Variants in ZC3H18 observed in about 807,000 individuals in gnomAD.
ZC3H18 encodes the protein zinc finger CCCH domain-containing protein 18.
A neutral mutation model predicts 106.1 loss-of-function variants in ZC3H18; 8 were observed. That is an observed-to-expected ratio of 0.08 (90% CI 0.04 to 0.14). The LOEUF (loss-of-function observed/expected upper bound fraction) is 0.14, where lower values mean the gene tolerates loss of function less well. Among genes scored for constraint, ZC3H18 ranks in the 10% least tolerant of loss-of-function variants. The pLI is 1.00. For synonymous variants in ZC3H18, 635 were observed against 522.1 expected, an observed-to-expected ratio of 1.22 and a Z score of -2.95; for missense variants, 1,318 against 1,278.4, an observed-to-expected ratio of 1.03 and a Z score of -0.47.
At chr16:88,571,262 G>A (rs1276001236) in intron 1 of ZC3H18, among the ~76,000 whole-genome samples, 1 of 152,188 alleles carries the variant, frequency 6.6e-6, no homozygotes, top group African/African-American at 2.4e-5. Context: ...TTTTAAATGA[G>A]CTTTGTTCGA....
Position 88,627,418 on chromosome 16 carries a change from T to C in ZC3H18, c.2109-204T>C. 1.8e-6 allele frequency: 1 copy of C among 544,448 alleles called. No individual in the cohort carries two copies. Among genetic ancestry groups the C allele is most frequent in the Non-Finnish European group, 3.1e-6 (1 of 325,324 alleles). 33.7% of individuals were successfully genotyped at this position (544,448 alleles called of 1,614,324 possible). ...GTGCCTGGCTGCAACCTGACATTGA[T>C]TAGTGAAATGGGGCCCTGGCCTAGC... On this transcript the variant is annotated intron_variant, in intron 13 of 17. Coordinates refer to ENST00000301011, the MANE Select transcript of ZC3H18 (RefSeq NM_144604.4). This position sits in a 1 kb window ranked among gnomAD's most constrained non-coding sequence, Gnocchi z 4.5.
At chr16:88,625,148 G>T in intron 12 of ZC3H18, 54 bp from the exon 13 acceptor site, 1 of 1,546,010 alleles carries the variant, frequency 6.5e-7, no homozygotes. Context: ...AGGGGAGGCC[G>T]CGAGGGGCTG....
At chr16:88,630,384 G>A in intron 16 of ZC3H18, 101 bp from the exon 17 acceptor site, 1 of 841,610 alleles carries the variant, frequency 1.2e-6, no homozygotes, top group Non-Finnish European at 1.9e-6. Flanking sequence ...GAACTAAGCA[G>A]CCTCAGGCTT....
chr16:88,581,192 G>A (rs1915106692), intron 2 of ZC3H18, among the ~76,000 whole-genome samples: 1 of 152,084 alleles, frequency 6.6e-6, no homozygotes, highest in African/African-American at 2.4e-5. Context: ...AAAACAGATG[G>A]GGTCTCACTA....
chr16:88,574,245 C>T lies in ZC3H18; in HGVS notation c.-14-2865C>T, dbSNP rs1015469007. Among the ~76,000 whole-genome samples the T allele has an allele frequency of 5.9e-5, 9 of 152,008 alleles. 1 individual carries two copies. The highest frequency in any genetic ancestry group is 2.0e-4 in the Admixed American group (3 of 15,270). On this transcript the variant is annotated intron_variant, in intron 1 of 17. Coordinates refer to ENST00000301011, the MANE Select transcript of ZC3H18 (RefSeq NM_144604.4). ...CTTTTGAGACGGAGTCTCGCTTAGC[C>T]ACCACCTAGGCTGGAGTGCAGTGGT...
intron 3 of ZC3H18, among the ~76,000 whole-genome samples, chr16:88,592,312 G>T (rs1915802868): frequency 6.6e-6 from 1 of 152,084 alleles, no homozygotes; most frequent in Admixed American, 6.5e-5. Context: ...GGTCATTTGT[G>T]TATCTTCTTG....
chr16:88,575,525 AG>A (rs1240970250), intron 1 of ZC3H18, among the ~76,000 whole-genome samples: 4 of 151,804 alleles, frequency 2.6e-5, no homozygotes, highest in African/African-American at 4.8e-5. Flanking sequence ...TGGTGTGGCA[AG>A]TGTTTGCCAG....
At chr16:88,571,497 G>A in intron 1 of ZC3H18, 1 of 472,474 alleles carries the variant, frequency 2.1e-6, no homozygotes, top group East Asian at 1.5e-4. Flanking sequence ...CCGCTTCCCA[G>A]CTTTGGGAGG....
Position 88,627,621 on chromosome 16 carries a change from G to C in ZC3H18, c.2109-1G>C. The C allele has an allele frequency of 6.3e-7, 1 of 1,599,896 alleles. No individual in the cohort carries two copies. The highest frequency in any genetic ancestry group is 8.6e-7 in the Non-Finnish European group (1 of 1,169,082). On this transcript the variant is annotated splice_acceptor_variant, in intron 13 of 17. Transcript: ENST00000301011. LOFTEE classifies it high-confidence loss of function. The surrounding 1 kb of genome is among the most constrained non-coding windows in gnomAD (Gnocchi z 4.5). ...GTGGTGAGATGTGCTTGTGTGTCCA[G>C]GTCCCTGAGCGTGAGCAGCGTCTCC...
At chr16:88,628,892 C>CCTAGGGAT (rs1567601470) in intron 16 of ZC3H18, 38 bp downstream of exon 16, 4 of 1,610,552 alleles carry the variant, frequency 2.5e-6, no homozygotes, top group Non-Finnish European at 2.5e-6. Flanking sequence ...GGCAGAGGGA[C>CCTAGGGAT]GGGAGCCTGG....
intron 2 of ZC3H18, among the ~76,000 whole-genome samples, chr16:88,583,867 C>T (rs1915283435): frequency 6.6e-6 from 1 of 152,138 alleles, no homozygotes; most frequent in African/African-American, 2.4e-5. Context: ...TTGTCCTCTG[C>T]TTCCTACTCT....
chr16:88,571,548 G>A, intron 1 of ZC3H18: 1 of 886,270 alleles, frequency 1.1e-6, no homozygotes, highest in Non-Finnish European at 1.4e-6. Context: ...AGGGCAGTAT[G>A]GAGCCCAGCC....
At position 88,598,602 on chromosome 16, in the gene ZC3H18, C is replaced by A. The variant is rs764136072; in HGVS notation, c.838-18C>A. On this transcript the variant is annotated intron_variant, in intron 4 of 17. Transcript: ENST00000301011. ...AAAGTTTTACTTTCTCACCTTCTCCCTTCTCGTTTTTCAATAGGGTGGGCC... is the reference window on the plus strand; with the variant it reads ...AAAGTTTTACTTTCTCACCTTCTCCATTCTCGTTTTTCAATAGGGTGGGCC... 6.3e-7 allele frequency: 1 copy of A among 1,599,234 alleles called. No homozygotes were observed. The highest frequency in any genetic ancestry group is 1.1e-5 in the South Asian group (1 of 88,982).
At chr16:88,614,908 T>C (rs1203038000) in intron 8 of ZC3H18, among the ~76,000 whole-genome samples, 1 of 152,118 alleles carries the variant, frequency 6.6e-6, no homozygotes, top group African/African-American at 2.4e-5. Context: ...AGCCGCTCCC[T>C]CTGCCCAGAT....
chr16:88,614,651 A>G (rs894522939), intron 8 of ZC3H18, among the ~76,000 whole-genome samples: 3 of 152,364 alleles, frequency 2.0e-5, no homozygotes, highest in Non-Finnish European at 1.5e-5. Context: ...CATATTTCAG[A>G]TGTTTTTAAT....
At chr16:88,622,078 T>C in intron 8 of ZC3H18, 119 bp from the exon 9 acceptor site, 2 of 1,236,674 alleles carry the variant, frequency 1.6e-6, no homozygotes, top group Middle Eastern at 2.8e-4. Flanking sequence ...CCTTTGTTTC[T>C]CAGGTGATCC....
chr16:88,628,150 C>G, intron 15 of ZC3H18, 31 bp downstream of exon 15: 1 of 1,607,348 alleles, frequency 6.2e-7, no homozygotes, highest in Non-Finnish European at 8.5e-7. Flanking sequence ...GGTGGCTGCC[C>G]CAGCGTCTAG....
At chr16:88,579,623 C>T (rs1023197044) in intron 2 of ZC3H18, among the ~76,000 whole-genome samples, 2 of 152,160 alleles carry the variant, frequency 1.3e-5, no homozygotes, top group Admixed American at 1.3e-4. Context: ...CTGGTTTCCC[C>T]TAGACACAGC....
rs1365513607 is a variant in ZC3H18 at position 88,610,642 on chromosome 16, T to G, written c.1207-626T>G. ...CAGGTGCGTTGTGATTGGACTTTATTCAGTTTTAACCTTGAATATTAGAGC... is the reference window on the plus strand; with the variant it reads ...CAGGTGCGTTGTGATTGGACTTTATGCAGTTTTAACCTTGAATATTAGAGC... On this transcript the variant is annotated intron_variant, in intron 7 of 17. Transcript: ENST00000301011. 4.6e-5 allele frequency among the ~76,000 whole-genome samples: 7 copies of G among 152,234 alleles called. No homozygotes were observed. In the South Asian group the frequency reaches 8.3e-4, roughly 18 times the overall value.
Sources: allele counts gnomAD v4.1 joint callset (sites outside exome capture counted in the v4.1 genomes callset), GRCh38; gene constraint gnomAD v4.1.1; non-coding constraint Gnocchi (gnomAD v3.1); transcripts MANE v1.5; gene names NCBI Gene and HGNC (gene_info 2026-07-23, HGNC 2026-07-21).